MCF2L2: variants seen among roughly 807,000 people sequenced by gnomAD.
The protein encoded by MCF2L2 is probable guanine nucleotide exchange factor MCF2L2.
A neutral mutation model predicts 150.2 loss-of-function variants in MCF2L2; 102 were observed. The observed-to-expected ratio is 0.68, with a 90% CI of 0.58 to 0.80. MCF2L2 has a LOEUF of 0.80. MCF2L2 is among the 30% of genes least tolerant of loss of function. The pLI is 0.00. For synonymous variants in MCF2L2, 465 were observed against 491.3 expected, an observed-to-expected ratio of 0.95 and a Z score of 0.71; for missense variants, 1,256 against 1,372.8, an observed-to-expected ratio of 0.91 and a Z score of 1.34.
chr3:183,332,100 C>T (rs562918888), intron 5 of MCF2L2, among the ~76,000 whole-genome samples: 4 of 152,242 alleles, frequency 2.6e-5, no homozygotes, highest in African/African-American at 9.6e-5. Flanking sequence ...AAGTAAAGTG[C>T]TAATATCACA....
At position 183,258,246 on chromosome 3, in the gene MCF2L2, A is replaced by G. The variant is rs150868603; in HGVS notation, c.1862+18626T>C. The G allele has an allele frequency of 4.0e-3, 619 of 152,960 alleles. 5 individuals carry two copies. The highest frequency in any genetic ancestry group is 0.013 in the Middle Eastern group (4 of 298). 9.5% of individuals were successfully genotyped at this position (152,960 alleles called of 1,614,324 possible). Reference sequence around the variant, plus strand: ...CTCCCAAAGTGCTGGGATTACAGGCATGAGCCACCGCACCCGGCCCACTTC... The same window carrying G: ...CTCCCAAAGTGCTGGGATTACAGGCGTGAGCCACCGCACCCGGCCCACTTC... On this transcript the variant is annotated intron_variant, in intron 15 of 29. Transcript: ENST00000328913.
At chr3:183,199,384 A>C (rs1475406754) in intron 25 of MCF2L2, among the ~76,000 whole-genome samples, 4 of 152,200 alleles carry the variant, frequency 2.6e-5, no homozygotes, top group African/African-American at 9.6e-5. Flanking sequence ...GGAAGGTCAG[A>C]ACTCAATTGA....
intron 3 of MCF2L2, among the ~76,000 whole-genome samples, chr3:183,355,431 C>T (rs1388351601): frequency 6.6e-6 from 1 of 150,884 alleles, no homozygotes; most frequent in Non-Finnish European, 1.5e-5. Flanking sequence ...ACTTAGCTAC[C>T]ATAATCAACA....
At chr3:183,422,100 G>A (rs952807954) in intron 1 of MCF2L2, among the ~76,000 whole-genome samples, 3 of 152,140 alleles carry the variant, frequency 2.0e-5, no homozygotes, top group Non-Finnish European at 4.4e-5. Context: ...TTAAATTCAG[G>A]CAAAGATAGT....
chr3:183,180,375 C>T (rs1332119832), intron 27 of MCF2L2: 2 of 515,602 alleles, frequency 3.9e-6, no homozygotes, highest in Non-Finnish European at 6.9e-6. Context: ...ACCGAGAAGG[C>T]GCGTCCACAT....
chr3:183,254,136 C>T (rs1356363877), intron 15 of MCF2L2: 3 of 151,830 alleles, frequency 2.0e-5, no homozygotes, highest in East Asian at 3.9e-4. Flanking sequence ...GGCTCCGAGT[C>T]TGCCCACTCC....
chr3:183,214,512 C>T (rs1407572539), intron 22 of MCF2L2, among the ~76,000 whole-genome samples: 1 of 151,808 alleles, frequency 6.6e-6, no homozygotes, highest in Admixed American at 6.6e-5. Context: ...TTTTTCGGAC[C>T]TTAATAACTT....
intron 10 of MCF2L2, among the ~76,000 whole-genome samples, chr3:183,304,567 G>C (rs1269636194): frequency 1.3e-5 from 2 of 148,710 alleles, no homozygotes; most frequent in African/African-American, 5.0e-5. Context: ...CGGGGTTCAA[G>C]CGATTCTCCT....
At chr3:183,356,135 C>A (rs1385197174) in intron 3 of MCF2L2, among the ~76,000 whole-genome samples, 1 of 134,138 alleles carries the variant, frequency 7.5e-6, no homozygotes, top group African/African-American at 2.9e-5. Context: ...AAGAAGAATA[C>A]AAAGAGCAGG....
intron 1 of MCF2L2, among the ~76,000 whole-genome samples, chr3:183,408,337 C>G (rs1715147876): frequency 6.6e-6 from 1 of 152,142 alleles, no homozygotes; most frequent in Non-Finnish European, 1.5e-5. Context: ...TAAATACTGT[C>G]TTATGTTTGC....
chr3:183,319,554 G>A (rs369431549), intron 6 of MCF2L2, among the ~76,000 whole-genome samples: 1 of 146,222 alleles, frequency 6.8e-6, no homozygotes, highest in East Asian at 1.9e-4. Flanking sequence ...TCTATGGCAG[G>A]TATAGCTTTA....
chr3:183,222,583 C>T lies in MCF2L2; in HGVS notation c.2301+763G>A, dbSNP rs547584936. Among the ~76,000 whole-genome samples the T allele has an allele frequency of 5.9e-5, 9 of 152,130 alleles. No homozygotes were observed. In the East Asian group the frequency reaches 7.7e-4, roughly 13 times the overall value. ...AAGAAAGAAAGAAAAAAGAAATACA[C>T]GTGGGGAAGTACCCAGTAAACAGTA... On this transcript the variant is annotated intron_variant, in intron 20 of 29. Coordinates refer to ENST00000328913, the MANE Select transcript of MCF2L2 (RefSeq NM_015078.4).
At chr3:183,332,284 G>A (rs1029047857) in intron 5 of MCF2L2, among the ~76,000 whole-genome samples, 10 of 152,096 alleles carry the variant, frequency 6.6e-5, no homozygotes, top group South Asian at 2.1e-4. Flanking sequence ...GGTTACTTAC[G>A]GAGTGAACTT....
At chr3:183,399,867 C>G (rs1714648907) in intron 1 of MCF2L2, among the ~76,000 whole-genome samples, 1 of 152,152 alleles carries the variant, frequency 6.6e-6, no homozygotes, top group African/African-American at 2.4e-5. Context: ...TCTTTGCCTG[C>G]CATGAAGTGA....
At chr3:183,363,898 C>T (rs576553871) in intron 3 of MCF2L2, among the ~76,000 whole-genome samples, 1 of 152,116 alleles carries the variant, frequency 6.6e-6, no homozygotes, top group South Asian at 2.1e-4. Context: ...GAGGATTCAC[C>T]ATCTTCTAAA....
At chr3:183,248,468 G>T (rs1724360604) in intron 15 of MCF2L2, among the ~76,000 whole-genome samples, 1 of 152,158 alleles carries the variant, frequency 6.6e-6, no homozygotes, top group Non-Finnish European at 1.5e-5. Context: ...AGTGGGATTT[G>T]AACCGTGTAC....
intron 11 of MCF2L2, 160 bp downstream of exon 11, chr3:183,299,845 C>T: frequency 4.2e-6 from 3 of 716,338 alleles, no homozygotes; most frequent in Admixed American, 3.3e-5. Flanking sequence ...TATACTTCTA[C>T]ACCCCAGGAT....
intron 10 of MCF2L2, among the ~76,000 whole-genome samples, chr3:183,306,975 T>A (rs1290242090): frequency 6.6e-6 from 1 of 152,172 alleles, no homozygotes; most frequent in Admixed American, 6.5e-5. Context: ...TAGAAGACCT[T>A]CTGTAAGTGG....
At chr3:183,347,547 T>G (rs1730949971) in intron 3 of MCF2L2, among the ~76,000 whole-genome samples, 1 of 152,160 alleles carries the variant, frequency 6.6e-6, no homozygotes, top group Admixed American at 6.5e-5. Context: ...AAGCCAAAAT[T>G]GACAAATGGA....
Sources: gnomAD v4.1 joint callset for allele counts (sites outside exome capture counted in the v4.1 genomes callset) on GRCh38, gnomAD v4.1.1 for gene constraint, MANE v1.5 for transcripts, NCBI Gene and HGNC (gene_info 2026-07-23, HGNC 2026-07-21) for gene names.